PKD1L1: variants seen among roughly 807,000 people sequenced by gnomAD.
PKD1L1 encodes the protein polycystin-1-like protein 1.
PKD1L1 carries 236 observed loss-of-function variants against 323.4 expected under a neutral mutation model. The ratio of observed to expected loss-of-function variants is 0.73; its 90% CI spans 0.66 to 0.81. The LOEUF is 0.81. Ranked by LOEUF, PKD1L1 falls within the 40% of genes least tolerant of loss-of-function variation. The pLI is 0.00. For synonymous variants in PKD1L1, 1,344 were observed against 1,335.0 expected (o/e 1.01, Z -0.15); for missense variants, 3,320 against 3,508.0 (o/e 0.95, Z 1.35).
chr7:47,821,070 T>C lies in PKD1L1; in HGVS notation c.6965+6A>G, dbSNP rs1785129914. ...CAGATCTGGAAGAGTTACCCAAACC[T>C]CCTACCTTGTAAATTCTTTCCGGAT... is the stretch of plus-strand genomic sequence containing the variant. On this transcript the variant is annotated splice_donor_region_variant and intron_variant, in intron 46 of 56. Coordinates refer to ENST00000289672, the MANE Select transcript of PKD1L1 (RefSeq NM_138295.5). The C allele has an allele frequency of 2.6e-6, 4 of 1,553,656 alleles. No homozygotes were observed. The highest frequency in any genetic ancestry group is 3.6e-6 in the Non-Finnish European group (4 of 1,125,252).
Position 47,857,680 on chromosome 7 carries a change from T to G in PKD1L1, c.4515A>C (p.Thr1505=), listed in dbSNP as rs1785933966. The G allele has an allele frequency of 1.9e-6, 3 of 1,614,102 alleles. No individual in the cohort carries two copies. Among genetic ancestry groups the G allele is most frequent in the South Asian group, 2.2e-5 (2 of 91,092 alleles). The change falls in exon 28 of 57, where the codon ACA becomes ACC. Residue 1505 remains threonine (T), a synonymous_variant. Coordinates refer to ENST00000289672, the MANE Select transcript of PKD1L1 (RefSeq NM_138295.5). The stretch of plus-strand genomic sequence containing the variant: ...GCTGGCTAATGTAGCATGGGCTCTG[T>G]GTCTCCGCCCCAGCAGGACTGTGCC... ...LAGHSPAGAE[T]QSPCYISQLI... is the part of the protein sequence containing the mutation.
chr7:47,909,468 T>A (rs1196410956), intron 8 of PKD1L1, among the ~76,000 whole-genome samples: 6 of 152,184 alleles, frequency 3.9e-5, no homozygotes, highest in Non-Finnish European at 8.8e-5. Context: ...TCTGGCCAAC[T>A]CGCACCTACC....
chr7:47,842,734 A>C (rs956568813), intron 34 of PKD1L1, among the ~76,000 whole-genome samples: 1 of 152,164 alleles, frequency 6.6e-6, no homozygotes, highest in East Asian at 1.9e-4. Flanking sequence ...TGGAGACAGA[A>C]GGAGAAGGGA....
chr7:47,867,635 T>A (rs1786195315), intron 24 of PKD1L1, among the ~76,000 whole-genome samples: 2 of 152,186 alleles, frequency 1.3e-5, no homozygotes, highest in African/African-American at 4.8e-5. Context: ...ATGTTGGAAT[T>A]AGCAAGGACT....
chr7:47,904,428 C>T lies in PKD1L1; in HGVS notation c.1881G>A (p.Gly627=). Residue 627 remains glycine (G), a synonymous_variant, in exon 12 of 57, where the codon GGG becomes GGA. Coordinates refer to ENST00000289672, the MANE Select transcript of PKD1L1 (RefSeq NM_138295.5). ...GTDVAYLWDF[G]DGTVSLGSSS... ...TGCTCCCCAGGCTGACGGTGCCATC[C>T]CCAAAGTCCCACAGGTAGGCAACAT... The T allele has an allele frequency of 6.2e-7, 1 of 1,614,130 alleles. No individual in the cohort carries two copies. Among genetic ancestry groups the T allele is most frequent in the Non-Finnish European group, 8.5e-7 (1 of 1,180,018 alleles).
rs1784937052 is a variant in PKD1L1, at chr7:47,813,110, A to G, written c.7346+11T>C. The G allele has an allele frequency of 1.9e-6, 3 of 1,609,514 alleles. 1 individual carries two copies. The South Asian group carries it at 3.3e-5, about 18-fold the overall frequency. On this transcript the variant is annotated intron_variant, in intron 49 of 56. Transcript: ENST00000289672. ...GGCAGGATGAGCCCCGGCCCTTCGA[A>G]TCTCACTGACCTTGTTCTGCCCAGG... is the stretch of plus-strand genomic sequence containing the variant.
chr7:47,785,887 G>T (rs1024066218), intron 56 of PKD1L1, among the ~76,000 whole-genome samples: 2 of 151,740 alleles, frequency 1.3e-5, no homozygotes, highest in African/African-American at 4.8e-5. Flanking sequence ...GATTATAGGC[G>T]CCCATCACCA....
At chr7:47,880,614 G>A (rs1198441175) in intron 21 of PKD1L1, 114 bp downstream of exon 21, 3 of 660,102 alleles carry the variant, frequency 4.5e-6, no homozygotes, top group South Asian at 4.7e-5. Flanking sequence ...AAAGGCAACT[G>A]CTTAGCCTTT....
intron 56 of PKD1L1, among the ~76,000 whole-genome samples, chr7:47,783,614 A>T (rs987783638): frequency 1.2e-4 from 19 of 152,196 alleles, no homozygotes; most frequent in African/African-American, 4.6e-4. Context: ...TTATAAAAAG[A>T]GAAAATTTGG....
At chr7:47,875,556 A>G (rs559507398) in intron 23 of PKD1L1, among the ~76,000 whole-genome samples, 1 of 152,346 alleles carries the variant, frequency 6.6e-6, no homozygotes, top group African/African-American at 2.4e-5. Context: ...AAATGGCTGC[A>G]TGTCTCTTAT....
intron 21 of PKD1L1, among the ~76,000 whole-genome samples, chr7:47,879,825 C>T (rs1330617064): frequency 6.8e-6 from 1 of 147,060 alleles, no homozygotes; most frequent in Non-Finnish European, 1.5e-5. Flanking sequence ...CCCAGCTATT[C>T]GGGAGGCTGA....
In PKD1L1 at chr7:47,905,167, T is replaced by C. The variant is rs1318353430; in HGVS notation, c.1681A>G (p.Ile561Val). The C allele has an allele frequency of 1.2e-6, 2 of 1,613,810 alleles. No individual in the cohort carries two copies. Among genetic ancestry groups the C allele is most frequent in the Non-Finnish European group, 1.7e-6 (2 of 1,179,922 alleles). ...GCTACTTTTACTGACCATTGGGGGA[T>C]GCTGAGTCTTTTTTTAATGCTTCTT... ...TSRSIKKRLS[I>V]PQWYRVMVKA... is the part of the protein sequence containing the mutation. Residue 561 changes from isoleucine to valine, a missense_variant, in exon 11 of 57, where the codon ATC becomes GTC. Coordinates refer to ENST00000289672, the MANE Select transcript of PKD1L1 (RefSeq NM_138295.5).
rs79292682 is a variant in PKD1L1, at chr7:47,890,747, C to A, written c.2470G>T (p.Ala824Ser). 2 of 1,612,388 alleles carry A rather than the reference C, an allele frequency of 1.2e-6. 1 individual carries two copies. Among genetic ancestry groups the A allele is most frequent in the South Asian group, 2.2e-5 (2 of 90,986 alleles). Reference sequence around the variant, plus strand: ...GGATGTGCTGGGGAGCCAGCGGTGGCGCATTCCCAGTGATACCTGTTGGAG... The same window carrying A: ...GGATGTGCTGGGGAGCCAGCGGTGGAGCATTCCCAGTGATACCTGTTGGAG... ...GATLRYHWEC[A>S]TAGSPAHPCF... Residue 824 changes from alanine to serine, a missense_variant, in exon 16 of 57, where the codon GCC becomes TCC. Transcript: ENST00000289672.
chr7:47,804,261 T>C (rs1784727308), intron 52 of PKD1L1, among the ~76,000 whole-genome samples: 1 of 152,142 alleles, frequency 6.6e-6, no homozygotes, highest in Non-Finnish European at 1.5e-5. Context: ...GGGGGATGAA[T>C]GGGGCTTTAG....
chr7:47,916,605 T>G (rs1787433521), intron 7 of PKD1L1, among the ~76,000 whole-genome samples: 1 of 152,184 alleles, frequency 6.6e-6, no homozygotes, highest in Admixed American at 6.5e-5. Flanking sequence ...CCAAATACTG[T>G]GCTGGTATAC....
rs903676430 is a variant in PKD1L1 at position 47,946,091 on chromosome 7, C to T, written c.44+2306G>A. Among the ~76,000 whole-genome samples, 7 of 151,986 alleles carry T rather than the reference C, an allele frequency of 4.6e-5. No homozygotes were observed. The highest frequency in any genetic ancestry group is 1.7e-4 in the African/African-American group (7 of 41,364). On this transcript the variant is annotated intron_variant, in intron 1 of 56. Coordinates refer to ENST00000289672, the MANE Select transcript of PKD1L1 (RefSeq NM_138295.5). The surrounding 1 kb of genome is among the most constrained non-coding windows in gnomAD (Gnocchi z 4.1). ...TCCTGGTGTTGTGAGGAGGCAGGTCCCCAGGCCCTGGCACAGAATCAGCAC... is the reference window on the plus strand; with the variant it reads ...TCCTGGTGTTGTGAGGAGGCAGGTCTCCAGGCCCTGGCACAGAATCAGCAC...
intron 4 of PKD1L1, 70 bp from the exon 5 acceptor site, chr7:47,932,126 T>C (rs1388064567): frequency 6.5e-7 from 1 of 1,532,310 alleles, no homozygotes; most frequent in Non-Finnish European, 8.8e-7. Flanking sequence ...CTGGCTTATT[T>C]GATTACAAAT....
intron 56 of PKD1L1, among the ~76,000 whole-genome samples, chr7:47,781,810 A>C (rs2128721450): frequency 6.6e-6 from 1 of 152,218 alleles, no homozygotes. Flanking sequence ...AACATTGTTC[A>C]TGATCCATTT....
chr7:47,820,771 C>A (rs188841246), intron 46 of PKD1L1, among the ~76,000 whole-genome samples: 2 of 151,400 alleles, frequency 1.3e-5, no homozygotes, highest in South Asian at 2.1e-4. Flanking sequence ...TCAGTTATTA[C>A]GAACTGCAAC....
Sources: allele counts gnomAD v4.1 joint callset (sites outside exome capture counted in the v4.1 genomes callset), GRCh38; gene constraint gnomAD v4.1.1; non-coding constraint Gnocchi (gnomAD v3.1); transcripts MANE v1.5; gene names NCBI Gene and HGNC (gene_info 2026-07-23, HGNC 2026-07-21).